CPA4: variants seen among roughly 807,000 people sequenced by gnomAD.
The protein encoded by CPA4 is carboxypeptidase A4, also known as carboxypeptidase A3.
In CPA4, 49 loss-of-function variants were observed where a neutral mutation model predicts 54.7. The observed-to-expected ratio is 0.90, with a 90% CI of 0.71 to 1.14. The LOEUF is 1.14. Ranked by LOEUF, CPA4 falls within the 50% of genes most tolerant of loss-of-function variation. The probability of loss-of-function intolerance (pLI) is 0.00; values close to 1 mark genes in which losing one functional copy is unlikely to be tolerated. For missense variants in CPA4, 487 were observed against 525.1 expected, an observed-to-expected ratio of 0.93 and a Z score of 0.71; for synonymous variants, 215 against 206.8, an observed-to-expected ratio of 1.04 and a Z score of -0.34.
chr7:130,297,955 A>G (rs1413044495), intron 1 of CPA4, among the ~76,000 whole-genome samples: 1 of 152,188 alleles, frequency 6.6e-6, no homozygotes, highest in Non-Finnish European at 1.5e-5. Flanking sequence ...TAAATCACGT[A>G]TATGAAGCAA....
intron 9 of CPA4, among the ~76,000 whole-genome samples, chr7:130,311,680 C>T (rs1213154872): frequency 6.6e-6 from 1 of 152,180 alleles, no homozygotes; most frequent in African/African-American, 2.4e-5. Flanking sequence ...TCTCCCTTCT[C>T]AGGATAGGTG....
rs183533024 is a variant in CPA4, at chr7:130,303,106, A to G, written c.385-1372A>G. The stretch of plus-strand genomic sequence containing the variant: ...TGACGGCAAGTCTGATAAACCCTTT[A>G]AGCTTGACTTTGTTCTATATTAATT... On this transcript the variant is annotated intron_variant, in intron 4 of 10. Transcript: ENST00000222482. Among the ~76,000 whole-genome samples, 804 of 152,288 alleles carry G rather than the reference A, an allele frequency of 5.3e-3. 3 individuals carry two copies. Among genetic ancestry groups the G allele is most frequent in the Non-Finnish European group, 8.5e-3 (581 of 68,038 alleles).
rs1454229908 is a variant in CPA4, at chr7:130,304,749, T to G, written c.486+170T>G. 3 of 614,980 alleles carry G rather than the reference T, an allele frequency of 4.9e-6. No individual in the cohort carries two copies. In the East Asian group the frequency reaches 8.2e-5, roughly 17 times the overall value. 38.1% of individuals were successfully genotyped at this position (614,980 alleles called of 1,614,324 possible). A position where few individuals can be genotyped will look rare whatever the true frequency, so the allele number is the denominator to read the frequency against. ...GGTCTGACAGAGCCCCTTGCTTTTGTCTAATGTAGGGGGAGTTAGAAGGAG... is the reference window on the plus strand; with the variant it reads ...GGTCTGACAGAGCCCCTTGCTTTTGGCTAATGTAGGGGGAGTTAGAAGGAG... On this transcript the variant is annotated intron_variant, in intron 5 of 10. Coordinates refer to ENST00000222482, the MANE Select transcript of CPA4 (RefSeq NM_016352.4).
intron 10 of CPA4, among the ~76,000 whole-genome samples, chr7:130,317,050 C>T (rs923664245): frequency 5.3e-5 from 8 of 152,020 alleles, no homozygotes; most frequent in African/African-American, 4.8e-5. Context: ...TGGAGGTGAG[C>T]GCCTTATGGC....
At position 130,323,376 on chromosome 7, in the gene CPA4, T is replaced by C. The variant is rs1273586044; in HGVS notation, c.*700T>C. 6.6e-6 allele frequency: 1 copy of C among 152,192 alleles called. No individual in the cohort carries two copies. Among genetic ancestry groups the C allele is most frequent in the East Asian group, 1.9e-4 (1 of 5,168 alleles). The allele number at this position is 152,192 out of a possible 1,614,324, so 9.4% of individuals were successfully genotyped here. A position where few individuals can be genotyped will look rare whatever the true frequency, so the allele number is the denominator to read the frequency against. ...CTTGGTTTATAGGCGCATGCCACCATGCCTGGCTAATTTTGTGTTTTTAGT... is the reference window on the plus strand; with the variant it reads ...CTTGGTTTATAGGCGCATGCCACCACGCCTGGCTAATTTTGTGTTTTTAGT... On this transcript the variant is annotated 3_prime_UTR_variant, in exon 11 of 11. Coordinates refer to ENST00000222482, the MANE Select transcript of CPA4 (RefSeq NM_016352.4).
intron 9 of CPA4, 81 bp downstream of exon 9, chr7:130,311,067 A>T: frequency 9.7e-6 from 11 of 1,129,666 alleles, no homozygotes; most frequent in South Asian, 5.0e-5. Context: ...CTGCAGCTTT[A>T]TAGGGAGGGT....
At chr7:130,298,102 A>G (rs1020631492) in intron 1 of CPA4, among the ~76,000 whole-genome samples, 2 of 152,070 alleles carry the variant, frequency 1.3e-5, no homozygotes, top group Non-Finnish European at 2.9e-5. Flanking sequence ...TTTCCACCCA[A>G]ACGAGCCTCT....
chr7:130,304,636 T>C, intron 5 of CPA4, 57 bp downstream of exon 5: 1 of 1,034,410 alleles, frequency 9.7e-7, no homozygotes, highest in Non-Finnish European at 1.5e-6. Context: ...GGACCCAGCC[T>C]CAGACCTCTG....
intron 10 of CPA4, among the ~76,000 whole-genome samples, chr7:130,320,510 C>G (rs555741874): frequency 1.3e-5 from 2 of 152,132 alleles, no homozygotes; most frequent in Admixed American, 1.3e-4. Flanking sequence ...GGAGGGAGCA[C>G]GGAGTCTCAC....
intron 3 of CPA4, among the ~76,000 whole-genome samples, 167 bp from the exon 4 acceptor site, chr7:130,300,649 A>G (rs1437417127): frequency 3.3e-5 from 5 of 152,112 alleles, no homozygotes; most frequent in African/African-American, 9.7e-5. Flanking sequence ...ATAAAATTTT[A>G]TAAAGATATG....
intron 1 of CPA4, among the ~76,000 whole-genome samples, chr7:130,294,856 G>T (rs1242529016): frequency 6.6e-6 from 1 of 152,206 alleles, no homozygotes; most frequent in Non-Finnish European, 1.5e-5. Flanking sequence ...AGAGCAAGGG[G>T]AAGCTGGCCT....
At chr7:130,311,882 C>T (rs1793920281) in intron 9 of CPA4, among the ~76,000 whole-genome samples, 156 bp from the exon 10 acceptor site, 1 of 152,108 alleles carries the variant, frequency 6.6e-6, no homozygotes, top group Admixed American at 6.6e-5. Context: ...CCTCAGTTTA[C>T]AGTTGGGCCT....
chr7:130,300,691 A>G, intron 3 of CPA4, 125 bp from the exon 4 acceptor site: 1 of 639,254 alleles, frequency 1.6e-6, no homozygotes. Flanking sequence ...AAACCTTGAC[A>G]TTTGTGCTGC....
intron 3 of CPA4, 196 bp downstream of exon 3, chr7:130,299,600 A>G: frequency 1.8e-6 from 1 of 559,416 alleles, no homozygotes; most frequent in East Asian, 3.0e-5. Flanking sequence ...TAAATAGGCC[A>G]GGGAACCACA....
rs187290619 is a variant in CPA4, at chr7:130,296,838, T to C, written c.69-1908T>C. On this transcript the variant is annotated intron_variant, in intron 1 of 10. Coordinates refer to ENST00000222482, the MANE Select transcript of CPA4 (RefSeq NM_016352.4). ...AAGTATAGAATCCCCACTTTAAAGA[T>C]ACCCCCTCTTTGGAGTGTTGGAGGT... Among the ~76,000 whole-genome samples, 24 of 150,980 alleles carry C rather than the reference T, an allele frequency of 1.6e-4. No individual in the cohort carries two copies. In the East Asian group the frequency reaches 1.8e-3, roughly 11 times the overall value.
chr7:130,300,444 T>G (rs752869176), intron 3 of CPA4, among the ~76,000 whole-genome samples: 45 of 151,158 alleles, frequency 3.0e-4, no homozygotes, highest in Non-Finnish European at 5.7e-4. Context: ...CAAGCGATTC[T>G]CCTGCCTCAG....
At chr7:130,301,087 A>T (rs934241282) in intron 4 of CPA4, among the ~76,000 whole-genome samples, 173 bp downstream of exon 4, 3 of 152,156 alleles carry the variant, frequency 2.0e-5, no homozygotes, top group Admixed American at 6.5e-5. Context: ...TCCTACCAGC[A>T]CCTCAGAGTG....
Position 130,300,890 on chromosome 7 carries a change from C to T in CPA4, c.360C>T (p.Tyr120=), listed in dbSNP as rs112580246. Residue 120 remains tyrosine, a synonymous_variant, in exon 4 of 11, where the codon TAC becomes TAT. Coordinates refer to ENST00000222482, the MANE Select transcript of CPA4 (RefSeq NM_016352.4). ...AACGGAGCAGTAATAACTTCAACTA[C>T]GGGGCTTACCATTCCCTGGAAGCTG... is the stretch of plus-strand genomic sequence containing the variant. The part of the protein sequence containing the change: ...GQERSSNNFN[Y]GAYHSLEAIY... The T allele has an allele frequency of 5.5e-4, 890 of 1,612,248 alleles. 7 individuals are homozygous for T. In the African/African-American group the frequency reaches 9.7e-3, roughly 18 times the overall value.
rs1794179102 is a variant in CPA4, at chr7:130,324,091, A to G, written c.*1415A>G. The G allele has an allele frequency of 6.6e-6, 1 of 152,550 alleles. No individual in the cohort carries two copies. Among genetic ancestry groups the G allele is most frequent in the African/African-American group, 2.4e-5 (1 of 41,384 alleles). 9.4% of individuals were successfully genotyped at this position (152,550 alleles called of 1,614,324 possible). On this transcript the variant is annotated 3_prime_UTR_variant, in exon 11 of 11. Transcript: ENST00000222482. ...TGTTTTTGTTTTTTTGCTTTTACCA[A>G]ACATGTCTGTAAATCTTAACCTCCT...
Sources: gnomAD v4.1 joint callset for allele counts (sites outside exome capture counted in the v4.1 genomes callset) on GRCh38, gnomAD v4.1.1 for gene constraint, MANE v1.5 for transcripts, NCBI Gene and HGNC (gene_info 2026-07-23, HGNC 2026-07-21) for gene names.